KHNYN: variants seen among roughly 807,000 people sequenced by gnomAD.
KHNYN encodes the protein protein KHNYN.
A neutral mutation model predicts 62.7 loss-of-function variants in KHNYN; 42 were observed. The ratio of observed to expected loss-of-function variants is 0.67; its 90% confidence interval spans 0.52 to 0.87. KHNYN has a LOEUF of 0.87. Ranked by LOEUF, KHNYN falls within the 40% of genes least tolerant of loss-of-function variation. The probability of loss-of-function intolerance (pLI) is 0.00; values close to 1 mark genes in which losing one functional copy is unlikely to be tolerated. For missense variants in KHNYN, 829 were observed against 874.1 expected (o/e 0.95, Z 0.65); for synonymous variants, 347 against 345.6 (o/e 1.00, Z -0.04).
At position 24,440,482 on chromosome 14, in the gene KHNYN, C is replaced by A; in HGVS notation, c.*3197C>A. The A allele has an allele frequency of 6.2e-7, 1 of 1,604,948 alleles. No homozygotes were observed. On this transcript the variant is annotated 3_prime_UTR_variant, in exon 8 of 8. Transcript: ENST00000553935. ...GGCCCATGGCACCACCCCCACGGCC[C>A]AGCACAACCCCTAGAGCAGGAAAGA... is the stretch of plus-strand genomic sequence containing the variant.
intron 1 of KHNYN, 129 bp downstream of exon 1, chr14:24,430,248 G>A (rs1164676148): frequency 2.5e-6 from 2 of 811,994 alleles, no homozygotes; most frequent in Non-Finnish European, 3.0e-6. Context: ...TGGGCCCTGG[G>A]CGGTGCTCCT....
chr14:24,436,961 CGA>C (rs897845654), intron 7 of KHNYN, 73 bp from the exon 8 acceptor site: 20 of 1,534,200 alleles, frequency 1.3e-5, no homozygotes, highest in Admixed American at 2.0e-5. Flanking sequence ...AGGACAATTA[CGA>C]GAGGGGTGCC....
chr14:24,434,096 C>G lies in KHNYN; in HGVS notation c.1577+1064C>G, dbSNP rs551126889. The G allele has an allele frequency of 3.6e-5, 35 of 968,194 alleles. No homozygotes were observed. In the South Asian group the frequency reaches 1.5e-3, roughly 42 times the overall value. 60.0% of individuals were successfully genotyped at this position (968,194 alleles called of 1,614,324 possible). On this transcript the variant is annotated intron_variant, in intron 5 of 7. Transcript: ENST00000553935. ...TCTCCCAATGTTATTCTATTTATAT[C>G]TAGATGTCACAGATTACCCAAGATA...
Position 24,440,869 on chromosome 14 carries a change from A to G in KHNYN, c.*3584A>G. The G allele has an allele frequency of 1.2e-6, 2 of 1,613,956 alleles. No individual in the cohort carries two copies. Among genetic ancestry groups the G allele is most frequent in the South Asian group, 1.1e-5 (1 of 91,076 alleles). Reference sequence around the variant, plus strand: ...GGTTACGAGGTTGGAGAAAAAGTCAAAGTCCCCTCCTGGGCTGTCTTCATC... The same window carrying G: ...GGTTACGAGGTTGGAGAAAAAGTCAGAGTCCCCTCCTGGGCTGTCTTCATC... On this transcript the variant is annotated 3_prime_UTR_variant, in exon 8 of 8. Coordinates refer to ENST00000553935, the MANE Select transcript of KHNYN (RefSeq NM_015299.3).
At position 24,440,553 on chromosome 14, in the gene KHNYN, C is replaced by T; in HGVS notation, c.*3268C>T. On this transcript the variant is annotated 3_prime_UTR_variant, in exon 8 of 8. Transcript: ENST00000553935. ...TCAGCCTTGAAGGAGCCCACTGCTC[C>T]TCCTGGTTTCTGTTTCCCCTTCCTC... 1 of 1,531,974 alleles carries T rather than the reference C, an allele frequency of 6.5e-7. No homozygotes were observed. The highest frequency in any genetic ancestry group is 2.0e-5 in the Admixed American group (1 of 51,038). 94.9% of individuals were successfully genotyped at this position (1,531,974 alleles called of 1,614,324 possible). A position where few individuals can be genotyped will look rare whatever the true frequency, so the allele number is the denominator to read the frequency against.
rs759034248 is a variant in KHNYN at position 24,437,232 on chromosome 14, TA to T, written c.1985del (p.Tyr662SerfsTer40). ...GGACTTCATCCTGCAGCGGGAGCCATACTGCCGGGACATCAACCAACTGTCT... is the reference window on the plus strand; with the variant it reads ...GGACTTCATCCTGCAGCGGGAGCCATCTGCCGGGACATCAACCAACTGTCT... Reference protein sequence around the residue: ...KVDFILQREPYCRDINQLSEA... With the variant: ...KVDFILQREPXCRDINQLSEA... On this transcript the variant is annotated frameshift_variant, in exon 8 of 8. Transcript: ENST00000553935. LOFTEE classifies it high-confidence loss of function. This position sits in a 1 kb window ranked among gnomAD's most constrained non-coding sequence, Gnocchi z 5.5. 1 of 1,614,174 alleles carries T rather than the reference TA, an allele frequency of 6.2e-7. No homozygotes were observed. Among genetic ancestry groups the T allele is most frequent in the Non-Finnish European group, 8.5e-7 (1 of 1,180,030 alleles).
Position 24,437,562 on chromosome 14 carries a change from G to T in KHNYN, c.*277G>T. On this transcript the variant is annotated 3_prime_UTR_variant, in exon 8 of 8. Transcript: ENST00000553935. This position sits in a 1 kb window ranked among gnomAD's most constrained non-coding sequence, Gnocchi z 5.5. ...GAGTGGGGGCTGCTAGAGGGGATTA[G>T]TTCCGGAGACTGAGACTGTTGGCTC... 1 of 326,114 alleles carries T rather than the reference G, an allele frequency of 3.1e-6. No homozygotes were observed. Among genetic ancestry groups the T allele is most frequent in the East Asian group, 6.0e-5 (1 of 16,710 alleles). The allele number at this position is 326,114 out of a possible 1,614,324, so 20.2% of individuals were successfully genotyped here.
At chr14:24,435,962 G>T in intron 5 of KHNYN, 110 bp from the exon 6 acceptor site, 2 of 782,290 alleles carry the variant, frequency 2.6e-6, no homozygotes, top group Non-Finnish European at 4.5e-6. Context: ...TAGATATATT[G>T]CATAGTGGTG....
At chr14:24,427,864 CAG>C (rs1220381235), upstream of KHNYN, 3 of 1,614,138 alleles carry the variant, frequency 1.9e-6, no homozygotes, top group South Asian at 3.3e-5. The surrounding 1 kb of genome is among the most constrained non-coding windows in gnomAD (Gnocchi z 4.4). Flanking sequence ...GACGCAGGCG[CAG>C]AGACACTCGG....
upstream of KHNYN, chr14:24,428,320 T>G (rs2043044942): frequency 1.9e-6 from 3 of 1,613,790 alleles, no homozygotes; most frequent in Non-Finnish European, 1.7e-6. Context: ...CTTCACCACA[T>G]GGAACCGGAA....
upstream of KHNYN, chr14:24,428,796 C>T (rs1318244252): frequency 1.2e-6 from 2 of 1,608,654 alleles, no homozygotes; most frequent in South Asian, 1.1e-5. Context: ...TTGCCGGTTT[C>T]CCCTGCTGGC....
In KHNYN at chr14:24,432,924, C is replaced by A. The variant is rs765705272; in HGVS notation, c.1481-12C>A. On this transcript the variant is annotated splice_polypyrimidine_tract_variant and intron_variant, in intron 4 of 7. Coordinates refer to ENST00000553935, the MANE Select transcript of KHNYN (RefSeq NM_015299.3). This position sits in a 1 kb window ranked among gnomAD's most constrained non-coding sequence, Gnocchi z 5.6. ...ACTTTGAGGAGAACCCTATTATGTT[C>A]TTTTTCAATAGAGAGTCACTTCCTG... 2 of 1,614,146 alleles carry A rather than the reference C, an allele frequency of 1.2e-6. No individual in the cohort carries two copies. Among genetic ancestry groups the A allele is most frequent in the Non-Finnish European group, 1.7e-6 (2 of 1,179,990 alleles).
chr14:24,429,194 TC>T, upstream of KHNYN: 1 of 859,196 alleles, frequency 1.2e-6, no homozygotes, highest in Non-Finnish European at 1.8e-6. Context: ...CATACCTGTG[TC>T]CCAGCTCTGT....
chr14:24,427,820 C>T, upstream of KHNYN: 1 of 1,614,098 alleles, frequency 6.2e-7, no homozygotes, highest in Non-Finnish European at 8.5e-7. The surrounding 1 kb of genome is among the most constrained non-coding windows in gnomAD (Gnocchi z 4.4). Context: ...GCCAGAGAAA[C>T]TTGAGTATTT....
In KHNYN at chr14:24,440,304, A is replaced by T; in HGVS notation, c.*3019A>T. On this transcript the variant is annotated 3_prime_UTR_variant, in exon 8 of 8. Coordinates refer to ENST00000553935, the MANE Select transcript of KHNYN (RefSeq NM_015299.3). ...GCAAACTCAGCATTAGTGGCGGAGG[A>T]TGGAGCCACTCCATTCAGGACCCCG... 1.2e-6 allele frequency: 2 copies of T among 1,613,932 alleles called. No individual in the cohort carries two copies. The highest frequency in any genetic ancestry group is 1.7e-6 in the Non-Finnish European group (2 of 1,179,860).
At position 24,436,359 on chromosome 14, in the gene KHNYN, G is replaced by A. The variant is rs533748198; in HGVS notation, c.1686-29G>A. 25 of 1,597,362 alleles carry A rather than the reference G, an allele frequency of 1.6e-5. 1 individual carries two copies. The South Asian group carries it at 2.6e-4, about 17-fold the overall frequency. ...TGGGAGGTGGGCAAGGGCCCCCTCT[G>A]TGACCACACATTATCTTTCGCCATC... On this transcript the variant is annotated intron_variant, in intron 6 of 7. Transcript: ENST00000553935.
Position 24,432,306 on chromosome 14 carries a change from A to G in KHNYN, c.1045A>G (p.Asn349Asp), listed in dbSNP as rs1307351395. 1.2e-6 allele frequency: 2 copies of G among 1,613,872 alleles called. No homozygotes were observed. Among genetic ancestry groups the G allele is most frequent in the Non-Finnish European group, 1.7e-6 (2 of 1,179,952 alleles). Residue 349 changes from asparagine (N) to aspartate (D), a missense_variant, in exon 3 of 8, where the codon AAT (asparagine) becomes GAT (aspartate). By Grantham distance (23) the Asn-to-Asp change is conservative. Coordinates refer to ENST00000553935, the MANE Select transcript of KHNYN (RefSeq NM_015299.3). This position sits in a 1 kb window ranked among gnomAD's most constrained non-coding sequence, Gnocchi z 5.6. Reference sequence around the variant, plus strand: ...AGCCTCCCTCCTCCAGCGGCTCCACAATGGGAATGCCTCTCCTCCGAGGGT... The same window carrying G: ...AGCCTCCCTCCTCCAGCGGCTCCACGATGGGAATGCCTCTCCTCCGAGGGT... ...RGASLLQRLH[N>D]GNASPPRVPS...
chr14:24,431,392 A>T, intron 2 of KHNYN, 71 bp from the exon 3 acceptor site: 1 of 1,272,398 alleles, frequency 7.9e-7, no homozygotes, highest in Non-Finnish European at 1.1e-6. Context: ...CTCAGGAGCG[A>T]GCAAGGAGCC....
upstream of KHNYN, chr14:24,427,231 G>A: frequency 6.3e-6 from 1 of 159,982 alleles, no homozygotes; most frequent in Non-Finnish European, 1.4e-5. This position sits in a 1 kb window ranked among gnomAD's most constrained non-coding sequence, Gnocchi z 4.4. Context: ...TTCCTCACCA[G>A]CCACAGACTC....
Sources: allele counts gnomAD v4.1 joint callset, GRCh38; gene constraint gnomAD v4.1.1; non-coding constraint Gnocchi (gnomAD v3.1); transcripts MANE v1.5; gene names NCBI Gene and HGNC (gene_info 2026-07-23, HGNC 2026-07-21).